The following ARFGEF1 variants were observed in gnomAD, a reference collection of about 807,000 sequenced individuals.
ARFGEF1 encodes the protein brefeldin A-inhibited guanine nucleotide-exchange protein 1.
In ARFGEF1, 42 loss-of-function variants were observed where a neutral mutation model predicts 231.0. The ratio of observed to expected loss-of-function variants is 0.18; its 90% CI spans 0.14 to 0.24. The LOEUF is 0.24. ARFGEF1 is among the 10% of genes least tolerant of loss of function. ARFGEF1 has a pLI of 1.00. For missense variants in ARFGEF1, 1,345 were observed against 2,192.0 expected, an observed-to-expected ratio of 0.61 and a Z score of 7.72; for synonymous variants, 710 against 732.3, an observed-to-expected ratio of 0.97 and a Z score of 0.49.
intron 29 of ARFGEF1, among the ~76,000 whole-genome samples, chr8:67,222,652 C>T (rs538354455): frequency 2.0e-4 from 31 of 152,066 alleles, no homozygotes; most frequent in Admixed American, 5.2e-4. Context: ...GGTTTCACCA[C>T]GTTGTCCAGG....
At chr8:67,280,954 T>C (rs1411643333) in intron 7 of ARFGEF1, among the ~76,000 whole-genome samples, 1 of 151,852 alleles carries the variant, frequency 6.6e-6, no homozygotes. Context: ...ACAGCTGGGA[T>C]AGTTCCAGTT....
intron 1 of ARFGEF1, among the ~76,000 whole-genome samples, chr8:67,309,000 G>C (rs916342490): frequency 6.6e-6 from 1 of 152,056 alleles, no homozygotes; most frequent in African/African-American, 2.4e-5. Context: ...AGGCAACCTA[G>C]GTGTCCATCA....
chr8:67,253,345 G>T, intron 18 of ARFGEF1, 106 bp downstream of exon 18: 1 of 720,848 alleles, frequency 1.4e-6, no homozygotes, highest in Non-Finnish European at 2.1e-6. Context: ...CTGAGTAGCT[G>T]GGGACTATAA....
rs368559554 is a variant in ARFGEF1, at chr8:67,299,324, T to C, written c.344A>G (p.Asn115Ser). The C allele has an allele frequency of 6.8e-6, 11 of 1,607,484 alleles. No homozygotes were observed. The African/African-American group carries it at 8.0e-5, about 12-fold the overall frequency. The change falls in exon 4 of 39, where the codon AAT (asparagine) becomes AGT (serine). Residue 115 changes from asparagine to serine, a missense_variant. Around this residue, in one of 14 missense-constraint regions of ARFGEF1, gnomAD observed 398 missense variants for 463.2 expected, o/e 0.86. Transcript: ENST00000262215. The stretch of plus-strand genomic sequence containing the variant: ...GCCTGGTGTTGTACTATCTGGAGCA[T>C]TGCCAGTCAAGTGCCCATAAGCAAT... Reference protein sequence around the residue: ...KLIAYGHLTGNAPDSTTPGKK... With the variant: ...KLIAYGHLTGSAPDSTTPGKK...
At chr8:67,210,154 CAAAAAA>C (rs59530693) in intron 34 of ARFGEF1, among the ~76,000 whole-genome samples, 2 of 53,872 alleles carry the variant, frequency 3.7e-5, no homozygotes, top group South Asian at 6.6e-4. Flanking sequence ...GACTCCGTCT[CAAAAAA>C]AAAAAAAAAA....
intron 19 of ARFGEF1, among the ~76,000 whole-genome samples, chr8:67,246,376 T>C (rs1349847318): frequency 1.3e-5 from 2 of 150,478 alleles, no homozygotes; most frequent in African/African-American, 5.0e-5. Context: ...AAAACAAATC[T>C]GAAAACACTT....
intron 33 of ARFGEF1, among the ~76,000 whole-genome samples, chr8:67,213,485 G>A (rs1563840331): frequency 1.3e-5 from 2 of 152,256 alleles, no homozygotes; most frequent in Admixed American, 1.3e-4. Context: ...AAAAACAAAT[G>A]TAAAATGACA....
chr8:67,186,272 T>C (rs1352756680), intron 5 of ARFGEF1, among the ~76,000 whole-genome samples: 2 of 152,182 alleles, frequency 1.3e-5, no homozygotes, highest in Non-Finnish European at 2.9e-5. Context: ...AATACCTGTT[T>C]AGTTTTTAAA....
chr8:67,211,383 A>AATTATAGT, intron 34 of ARFGEF1, 100 bp downstream of exon 34: 1 of 777,498 alleles, frequency 1.3e-6, no homozygotes, highest in Non-Finnish European at 1.8e-6. Flanking sequence ...TGACACAATC[A>AATTATAGT]ATTATAGTAT....
At chr8:67,284,979 G>A (rs562698559) in intron 7 of ARFGEF1, among the ~76,000 whole-genome samples, 3 of 151,986 alleles carry the variant, frequency 2.0e-5, no homozygotes, top group East Asian at 3.9e-4. Flanking sequence ...TCAAAAGAAC[G>A]TGGGTGTTAG....
At chr8:67,297,292 T>C (rs963535858) in intron 4 of ARFGEF1, among the ~76,000 whole-genome samples, 4 of 152,220 alleles carry the variant, frequency 2.6e-5, no homozygotes, top group African/African-American at 9.6e-5. Flanking sequence ...CTTGGGAAGA[T>C]ACACACTGTG....
chr8:67,302,344 T>C (rs1806530892), intron 2 of ARFGEF1, 92 bp downstream of exon 2: 5 of 876,018 alleles, frequency 5.7e-6, no homozygotes, highest in African/African-American at 5.2e-5. Flanking sequence ...TGCAGAGAAT[T>C]TGCCACACTA....
At chr8:67,193,398 T>C (rs1836965950), downstream of ARFGEF1, 4 of 1,447,448 alleles carry the variant, frequency 2.8e-6, no homozygotes, top group African/African-American at 1.4e-5. Context: ...TGCCTGGCCC[T>C]GATTCACTGA....
intron 17 of ARFGEF1, among the ~76,000 whole-genome samples, chr8:67,255,989 C>A (rs1180483632): frequency 6.6e-6 from 1 of 152,198 alleles, no homozygotes; most frequent in Admixed American, 6.5e-5. Context: ...AGACATTGCA[C>A]AGGTGCATAT....
intron 1 of ARFGEF1, among the ~76,000 whole-genome samples, chr8:67,339,960 T>C (rs879351301): frequency 6.6e-6 from 1 of 152,048 alleles, no homozygotes; most frequent in Non-Finnish European, 1.5e-5. Flanking sequence ...ATGGATTGTT[T>C]TAATGAAGTA....
intron 1 of ARFGEF1, among the ~76,000 whole-genome samples, chr8:67,328,359 T>C (rs931740898): frequency 3.3e-5 from 5 of 152,242 alleles, no homozygotes; most frequent in African/African-American, 1.2e-4. Flanking sequence ...TTAAAAAATA[T>C]TGCTAGACTG....
intron 5 of ARFGEF1, among the ~76,000 whole-genome samples, chr8:67,187,529 T>C (rs1835008983): frequency 6.6e-6 from 1 of 151,750 alleles, no homozygotes; most frequent in African/African-American, 2.4e-5. Context: ...AAAAAAAATA[T>C]TTTAAATTAG....
In ARFGEF1 at chr8:67,296,351, C is replaced by T. The variant is rs1806231585; in HGVS notation, c.639+80G>A. The T allele has an allele frequency of 6.4e-6, 8 of 1,257,702 alleles. No individual in the cohort carries two copies. The Admixed American group carries it at 1.8e-4, about 28-fold the overall frequency. The allele number at this position is 1,257,702 out of a possible 1,614,324, so 77.9% of individuals were successfully genotyped here. ...TTCTTTTCTACAGGTACAAAGATTT[C>T]ACTCTAATTACTGTAAACTCCTTTC... On this transcript the variant is annotated intron_variant, in intron 5 of 38. Transcript: ENST00000262215.
chr8:67,287,915 C>G, intron 7 of ARFGEF1, 40 bp downstream of exon 7: 1 of 1,415,032 alleles, frequency 7.1e-7, no homozygotes, highest in Non-Finnish European at 9.6e-7. Flanking sequence ...AGATGAAATC[C>G]CATAGACAGA....
Sources: gnomAD v4.1 joint callset for allele counts (sites outside exome capture counted in the v4.1 genomes callset) on GRCh38, gnomAD v4.1.1 for gene constraint, gnomAD v4.1.1 regional missense constraint, MANE v1.5 for transcripts, NCBI Gene and HGNC (gene_info 2026-07-23, HGNC 2026-07-21) for gene names.